LIMCH1: variants seen among roughly 807,000 people sequenced by gnomAD.
LIMCH1 encodes LIM and calponin homology domains 1.
Under a neutral mutation model 176.5 loss-of-function variants are expected in LIMCH1, and 113 were observed. That is an observed-to-expected ratio of 0.64 (90% CI 0.55 to 0.75). LIMCH1 has a LOEUF of 0.75. Ranked by LOEUF, LIMCH1 falls within the 30% of genes least tolerant of loss-of-function variation. The pLI is 0.00. For missense variants in LIMCH1, 1,674 were observed against 1,814.9 expected, an observed-to-expected ratio of 0.92 and a Z score of 1.41; for synonymous variants, 619 against 645.9, an observed-to-expected ratio of 0.96 and a Z score of 0.63.
In LIMCH1 at chr4:41,596,048, C is replaced by CAAAAAAAAAAAAAAAAAAAA. The variant is rs1452167402; in HGVS notation, c.-240-2859_-240-2858insAAAAAAAAAAAAAAAAAAAA. Among the ~76,000 whole-genome samples the CAAAAAAAAAAAAAAAAAAAA allele has an allele frequency of 2.2e-4, 22 of 100,638 alleles. 1 individual carries two copies. The highest frequency in any genetic ancestry group is 1.5e-3 in the African/African-American group (21 of 14,440). 66.0% of individuals were successfully genotyped at this position (100,638 alleles called of 152,430 possible). A position where few individuals can be genotyped will look rare whatever the true frequency, so the allele number is the denominator to read the frequency against. On this transcript the variant is annotated intron_variant, in intron 1 of 31. Transcript: ENST00000503057. ...TGGGTGACAGAGTGAGACTCCATCT[C>CAAAAAAAAAAAAAAAAAAAA]AAAAAAAAAAAAATAAAAAAGTTCA... is the stretch of plus-strand genomic sequence containing the variant.
rs766714799 is a variant in LIMCH1, at chr4:41,631,292, G to A, written c.1416G>A (p.Gly472=). ...SSPRQKFVHF[G]PVTELDQQKW... is the part of the protein sequence containing the mutation. The stretch of plus-strand genomic sequence containing the variant: ...CCAGGCAAAAGTTTGTGCACTTTGG[G>A]CCAGTGACGGAGCTAGATCAGCAGA... The change falls in exon 10 of 32, where the codon GGG becomes GGA. Residue 472 remains glycine, a synonymous_variant. Coordinates refer to ENST00000503057, the MANE Select transcript of LIMCH1 (RefSeq NM_001330672.2). The A allele has an allele frequency of 1.9e-5, 29 of 1,535,898 alleles. No homozygotes were observed. The highest frequency in any genetic ancestry group is 1.2e-4 in the Admixed American group (6 of 50,966).
chr4:41,379,357 A>T (rs1037236321), intron 1 of LIMCH1, among the ~76,000 whole-genome samples: 2 of 152,176 alleles, frequency 1.3e-5, no homozygotes, highest in African/African-American at 4.8e-5. Context: ...TGTCCTTATA[A>T]CATGGCAGCT....
intron 1 of LIMCH1, among the ~76,000 whole-genome samples, chr4:41,480,763 C>T (rs191586305): frequency 4.9e-4 from 75 of 152,336 alleles, no homozygotes; most frequent in Middle Eastern, 3.4e-3. Flanking sequence ...ACTCTTCCTT[C>T]TCTCTGCTCT....
chr4:41,458,268 T>C (rs973147620), intron 1 of LIMCH1, among the ~76,000 whole-genome samples: 1 of 152,198 alleles, frequency 6.6e-6, no homozygotes, highest in African/African-American at 2.4e-5. Flanking sequence ...GCTTCCAATT[T>C]ATTTGCTACT....
At chr4:41,398,623 G>A (rs2154115637) in intron 1 of LIMCH1, among the ~76,000 whole-genome samples, 1 of 152,250 alleles carries the variant, frequency 6.6e-6, no homozygotes, top group South Asian at 2.1e-4. Context: ...AAATCTGAGA[G>A]GTTCCTAGGT....
intron 21 of LIMCH1, among the ~76,000 whole-genome samples, chr4:41,666,994 C>G (rs2094850257): frequency 6.6e-6 from 1 of 152,042 alleles, no homozygotes; most frequent in African/African-American, 2.4e-5. Flanking sequence ...TTAGTCCCAG[C>G]TACTTGGGAG....
intron 18 of LIMCH1, among the ~76,000 whole-genome samples, chr4:41,658,073 T>C (rs1319707231): frequency 6.6e-6 from 1 of 152,176 alleles, no homozygotes; most frequent in African/African-American, 2.4e-5. Context: ...TGGTGGGACA[T>C]TGAGGTCACC....
Position 41,360,894 on chromosome 4 carries a change from G to GC in LIMCH1, c.60dup (p.Glu21ArgfsTer12). The GC allele has an allele frequency of 2.5e-6, 4 of 1,587,470 alleles. No homozygotes were observed. Among genetic ancestry groups the GC allele is most frequent in the Non-Finnish European group, 2.6e-6 (3 of 1,170,236 alleles). ...CTCTTCAGCCCCTGCAGCCCGAGCC[G>GC]CCCCCCGAGCCCGCCTTCTCCGAGG... is the stretch of plus-strand genomic sequence containing the variant. On this transcript the variant is annotated frameshift_variant, in exon 1 of 27. Coordinates refer to the LIMCH1 transcript ENST00000313860. LOFTEE classifies it high-confidence loss of function. The surrounding 1 kb of genome is among the most constrained non-coding windows in gnomAD (Gnocchi z 4.5).
At chr4:41,680,234 C>G (rs1180791932) in intron 24 of LIMCH1, 136 bp downstream of exon 24, 2 of 644,940 alleles carry the variant, frequency 3.1e-6, no homozygotes, top group African/African-American at 3.7e-5. Context: ...CCATCAAGCT[C>G]TTTAAAACAG....
chr4:41,371,345 A>C (rs1237263164), intron 1 of LIMCH1, among the ~76,000 whole-genome samples: 1 of 152,224 alleles, frequency 6.6e-6, no homozygotes, highest in Non-Finnish European at 1.5e-5. Flanking sequence ...GATAATTGTC[A>C]GTAGGGTGGT....
At chr4:41,696,654 C>T (rs139000406) in intron 31 of LIMCH1, among the ~76,000 whole-genome samples, 2 of 152,036 alleles carry the variant, frequency 1.3e-5, no homozygotes, top group African/African-American at 4.8e-5. Context: ...AATTCTGTGT[C>T]GTTTATCTGA....
intron 2 of LIMCH1, among the ~76,000 whole-genome samples, chr4:41,495,937 C>T (rs2072043375): frequency 1.3e-5 from 2 of 152,168 alleles, no homozygotes; most frequent in Admixed American, 6.5e-5. Context: ...ACTCGTGTAT[C>T]CCTCACCACC....
chr4:41,386,561 G>A (rs2056523074), intron 1 of LIMCH1, among the ~76,000 whole-genome samples: 1 of 152,128 alleles, frequency 6.6e-6, no homozygotes, highest in Non-Finnish European at 1.5e-5. Flanking sequence ...TCCTATATTG[G>A]ATATGTTTAT....
At chr4:41,666,537 T>A (rs559436492) in intron 20 of LIMCH1, 24 bp from the exon 21 acceptor site, 1 of 1,490,748 alleles carries the variant, frequency 6.7e-7, no homozygotes, top group Admixed American at 1.7e-5. Flanking sequence ...CTTGCAATAT[T>A]TATACCTGTT....
At chr4:41,401,056 T>G (rs1031493713) in intron 1 of LIMCH1, among the ~76,000 whole-genome samples, 1 of 152,242 alleles carries the variant, frequency 6.6e-6, no homozygotes, top group Non-Finnish European at 1.5e-5. Context: ...TTTGTCAATT[T>G]TGGCTTTTGT....
chr4:41,641,723 A>AC (rs1486546326), intron 14 of LIMCH1, among the ~76,000 whole-genome samples: 2 of 152,124 alleles, frequency 1.3e-5, no homozygotes, highest in Non-Finnish European at 2.9e-5. Context: ...TTTTGGCTGC[A>AC]CCCCATCACA....
chr4:41,680,920 T>TC (rs1160508292), intron 24 of LIMCH1, 35 bp from the exon 25 acceptor site: 1 of 1,151,812 alleles, frequency 8.7e-7, no homozygotes, highest in Non-Finnish European at 1.3e-6. Flanking sequence ...ATTTTTATTT[T>TC]CCCCCCTTTC....
At chr4:41,533,600 A>G (rs532937851), upstream of LIMCH1, among the ~76,000 whole-genome samples, 1 of 152,364 alleles carries the variant, frequency 6.6e-6, no homozygotes, top group East Asian at 1.9e-4. Context: ...CCTTCCAAGT[A>G]AAAATCCACT....
Position 41,680,948 on chromosome 4 carries a change from C to G in LIMCH1, c.3613-7C>G, listed in dbSNP as rs1347810632. On this transcript the variant is annotated splice_polypyrimidine_tract_variant and splice_region_variant and intron_variant, in intron 24 of 31. Transcript: ENST00000503057. ...CCCCTTTCATCGATTCCTGTCCTTCCCCTTAGGAGCGTAAGATAATTGAAG... is the reference window on the plus strand; with the variant it reads ...CCCCTTTCATCGATTCCTGTCCTTCGCCTTAGGAGCGTAAGATAATTGAAG... 6.6e-7 allele frequency: 1 copy of G among 1,511,856 alleles called. No homozygotes were observed. The highest frequency in any genetic ancestry group is 1.7e-5 in the Admixed American group (1 of 58,442). 93.7% of individuals were successfully genotyped at this position (1,511,856 alleles called of 1,614,324 possible). A position where few individuals can be genotyped will look rare whatever the true frequency, so the allele number is the denominator to read the frequency against.
Sources: allele counts gnomAD v4.1 joint callset (sites outside exome capture counted in the v4.1 genomes callset), GRCh38; gene constraint gnomAD v4.1.1; non-coding constraint Gnocchi (gnomAD v3.1); transcripts MANE v1.5; gene names NCBI Gene and HGNC (gene_info 2026-07-23, HGNC 2026-07-21).